CNTNAP2: variants seen among roughly 807,000 people sequenced by gnomAD.
CNTNAP2 encodes contactin-associated protein-like 2.
In CNTNAP2, 98 loss-of-function variants were observed where a neutral mutation model predicts 155.2. The ratio of observed to expected loss-of-function variants is 0.63; its 90% CI spans 0.54 to 0.75. The LOEUF (loss-of-function observed/expected upper bound fraction) is 0.75, where lower values mean the gene tolerates loss of function less well. CNTNAP2 is among the 30% of genes least tolerant of loss of function. The pLI is 0.00. For missense variants in CNTNAP2, 1,727 were observed against 1,688.1 expected (o/e 1.02, Z -0.40); for synonymous variants, 651 against 631.2 (o/e 1.03, Z -0.47).
intron 2 of CNTNAP2, among the ~76,000 whole-genome samples, chr7:146,791,540 G>T (rs1802674102): frequency 6.6e-6 from 1 of 152,200 alleles, no homozygotes; most frequent in South Asian, 2.1e-4. Flanking sequence ...GCTCCTTGCA[G>T]CACTGGGAAA....
intron 13 of CNTNAP2, among the ~76,000 whole-genome samples, chr7:147,669,761 T>C (rs1222702805): frequency 1.3e-5 from 2 of 152,200 alleles, no homozygotes; most frequent in African/African-American, 4.8e-5. Context: ...CCTGGACTCA[T>C]CTCTTGGTCT....
chr7:148,039,365 C>T (rs1802627670), intron 15 of CNTNAP2, among the ~76,000 whole-genome samples: 1 of 152,274 alleles, frequency 6.6e-6, no homozygotes, highest in East Asian at 1.9e-4. Context: ...CAAATTGGAT[C>T]ATGCCTGCCC....
chr7:148,245,939 C>A (rs1320357817), intron 20 of CNTNAP2, among the ~76,000 whole-genome samples: 1 of 152,210 alleles, frequency 6.6e-6, no homozygotes, highest in Non-Finnish European at 1.5e-5. Flanking sequence ...CCCTCTCCAC[C>A]TTCTACTTCT....
At chr7:146,736,675 A>G (rs140707564) in intron 1 of CNTNAP2, among the ~76,000 whole-genome samples, 4 of 152,306 alleles carry the variant, frequency 2.6e-5, no homozygotes, top group Non-Finnish European at 4.4e-5. Flanking sequence ...CCCAGGAAAT[A>G]CTGAAGTGCT....
In CNTNAP2 at chr7:146,208,662, G is replaced by A. The variant is rs6972371; in HGVS notation, c.97+91689G>A. The stretch of plus-strand genomic sequence containing the variant: ...TAGCTGGGCCCATTGCCAGACTTTT[G>A]AAGGAGGACTAGAATTGATGGCTCA... On this transcript the variant is annotated intron_variant, in intron 1 of 23. Transcript: ENST00000361727. 1.9e-3 allele frequency: 292 copies of A among 151,402 alleles called. 1 individual carries two copies. The highest frequency in any genetic ancestry group is 6.8e-3 in the African/African-American group (282 of 41,288). The allele number at this position is 151,402 out of a possible 1,614,324, so 9.4% of individuals were successfully genotyped here.
intron 1 of CNTNAP2, among the ~76,000 whole-genome samples, chr7:146,244,388 A>G (rs1294474097): frequency 6.6e-6 from 1 of 152,118 alleles, no homozygotes; most frequent in Non-Finnish European, 1.5e-5. Flanking sequence ...AGGAATGACA[A>G]GTTTTTTGGG....
chr7:147,706,181 GT>G lies in CNTNAP2; in HGVS notation c.2098+66891del, dbSNP rs767715009. Among the ~76,000 whole-genome samples, 1,165 of 133,462 alleles carry G rather than the reference GT, an allele frequency of 8.7e-3. 8 individuals are homozygous for G. The highest frequency in any genetic ancestry group is 0.024 in the South Asian group (98 of 4,110). The allele number at this position is 133,462 out of a possible 152,430, so 87.6% of individuals were successfully genotyped here. On this transcript the variant is annotated intron_variant, in intron 13 of 23. Coordinates refer to ENST00000361727, the MANE Select transcript of CNTNAP2 (RefSeq NM_014141.6). ...ACCTTCTGTAGTGGTAACATTTGAGGTTTTTTTTTTTTTTTTCCTTATTTGT... is the reference window on the plus strand; with the variant it reads ...ACCTTCTGTAGTGGTAACATTTGAGGTTTTTTTTTTTTTTTCCTTATTTGT...
chr7:147,195,576 T>C (rs1039619765), intron 8 of CNTNAP2, among the ~76,000 whole-genome samples: 1 of 152,214 alleles, frequency 6.6e-6, no homozygotes, highest in Non-Finnish European at 1.5e-5. Context: ...CATTTGTTTG[T>C]GTCCTCTCTT....
rs1799065900 is a variant in CNTNAP2 at position 147,513,892 on chromosome 7, T to C, written c.1777+27851T>C. On this transcript the variant is annotated intron_variant, in intron 11 of 23. Transcript: ENST00000361727. ...TATCAGACAAGAACAGGATCAGACC[T>C]GGATTTTTCTGTTTTGGAAGACACA... is the stretch of plus-strand genomic sequence containing the variant. 2.6e-5 allele frequency among the ~76,000 whole-genome samples: 4 copies of C among 152,324 alleles called. 1 individual carries two copies. The South Asian group carries it at 8.3e-4, about 32-fold the overall frequency.
chr7:148,196,192 G>C (rs1272648549), intron 18 of CNTNAP2, among the ~76,000 whole-genome samples: 1 of 152,124 alleles, frequency 6.6e-6, no homozygotes, highest in Non-Finnish European at 1.5e-5. Flanking sequence ...ATTGATTACT[G>C]ATCCCAAGGA....
At chr7:146,161,334 T>C (rs1798218951) in intron 1 of CNTNAP2, among the ~76,000 whole-genome samples, 1 of 152,166 alleles carries the variant, frequency 6.6e-6, no homozygotes. Flanking sequence ...CAACATATTG[T>C]TGGAAGTTCT....
intron 1 of CNTNAP2, among the ~76,000 whole-genome samples, chr7:146,234,783 T>C (rs1338607543): frequency 6.6e-6 from 1 of 152,216 alleles, no homozygotes; most frequent in African/African-American, 2.4e-5. Flanking sequence ...TATTCTGAAA[T>C]ATCAAATGTA....
At chr7:147,333,290 G>T (rs190752390) in intron 9 of CNTNAP2, among the ~76,000 whole-genome samples, 3 of 152,132 alleles carry the variant, frequency 2.0e-5, no homozygotes, top group Non-Finnish European at 4.4e-5. Flanking sequence ...AACTCTCGGC[G>T]TTCTGATTCT....
chr7:148,090,603 G>A (rs1425668994), intron 15 of CNTNAP2, among the ~76,000 whole-genome samples: 1 of 152,062 alleles, frequency 6.6e-6, no homozygotes, highest in Non-Finnish European at 1.5e-5. Context: ...AAGACAACAA[G>A]TGTTGGTGAG....
At chr7:146,640,471 T>A (rs1266948196) in intron 1 of CNTNAP2, among the ~76,000 whole-genome samples, 2 of 152,228 alleles carry the variant, frequency 1.3e-5, no homozygotes, top group Admixed American at 1.3e-4. Flanking sequence ...ATTAAAGATA[T>A]GTCAATTCTC....
chr7:147,242,260 G>A (rs1421932753), intron 8 of CNTNAP2, among the ~76,000 whole-genome samples: 1 of 152,130 alleles, frequency 6.6e-6, no homozygotes, highest in African/African-American at 2.4e-5. Context: ...TCTGACACAA[G>A]TTTGTTAAGA....
At chr7:147,837,223 C>G (rs1453762190) in intron 13 of CNTNAP2, among the ~76,000 whole-genome samples, 3 of 152,168 alleles carry the variant, frequency 2.0e-5, no homozygotes, top group Non-Finnish European at 2.9e-5. Flanking sequence ...ACAATCATGG[C>G]AGAAGGTGAA....
At chr7:147,503,487 C>G (rs1192217268) in intron 11 of CNTNAP2, among the ~76,000 whole-genome samples, 1 of 152,116 alleles carries the variant, frequency 6.6e-6, no homozygotes, top group Non-Finnish European at 1.5e-5. Context: ...CACACCTGCT[C>G]CTGTCCAGCA....
intron 9 of CNTNAP2, among the ~76,000 whole-genome samples, chr7:147,313,406 T>C (rs967525852): frequency 6.6e-6 from 1 of 151,302 alleles, no homozygotes; most frequent in African/African-American, 2.4e-5. Flanking sequence ...GTCTAACATT[T>C]AAGTCTTTAA....
Sources: allele counts gnomAD v4.1 joint callset (sites outside exome capture counted in the v4.1 genomes callset), GRCh38; gene constraint gnomAD v4.1.1; transcripts MANE v1.5; gene names NCBI Gene and HGNC (gene_info 2026-07-23, HGNC 2026-07-21).